The following GRID1 variants were observed in gnomAD, a reference collection of about 807,000 sequenced individuals.
The protein encoded by GRID1 is glutamate ionotropic receptor delta type subunit 1, also known as glutamate receptor ionotropic, delta-1.
Under a neutral mutation model 98.0 loss-of-function variants are expected in GRID1, and 28 were observed. The ratio of observed to expected loss-of-function variants is 0.29; its 90% confidence interval spans 0.21 to 0.39. The LOEUF (loss-of-function observed/expected upper bound fraction) is 0.39. Among genes scored for constraint, GRID1 ranks in the 10% least tolerant of loss-of-function variants. The pLI, the probability that GRID1 is intolerant of heterozygous loss-of-function variation, is 1.00. For synonymous variants in GRID1, 553 were observed against 538.5 expected (o/e 1.03, Z -0.37); for missense variants, 1,111 against 1,340.5 (o/e 0.83, Z 2.67).
intron 4 of GRID1, among the ~76,000 whole-genome samples, chr10:85,984,292 T>C (rs1177005775): frequency 6.6e-6 from 1 of 152,140 alleles, no homozygotes; most frequent in Admixed American, 6.5e-5. Flanking sequence ...GAAAGAGACA[T>C]AACAGTTCTC....
At chr10:86,134,562 T>C (rs1251622580) in intron 4 of GRID1, among the ~76,000 whole-genome samples, 1 of 152,126 alleles carries the variant, frequency 6.6e-6, no homozygotes, top group Non-Finnish European at 1.5e-5. Flanking sequence ...AACACATCAG[T>C]CCTGAAGTCT....
In GRID1 at chr10:86,366,327, G is replaced by A. The variant is rs1848678999; in HGVS notation, c.66C>T (p.Ser22=). 3 of 1,508,618 alleles carry A rather than the reference G, an allele frequency of 2.0e-6. No individual in the cohort carries two copies. The allele number at this position is 1,508,618 out of a possible 1,614,324, so 93.5% of individuals were successfully genotyped here. ...AGCCGCGCTTACCGATGTGGATGAT[G>A]GAGTCGGCCCGCACCGACACGCACT... ...ICQCVSVRAD[S]IIHIGAIFEE... Residue 22 remains serine, a synonymous_variant, in exon 1 of 16, where the codon TCC becomes TCT. Transcript: ENST00000327946. The surrounding 1 kb of genome is among the most constrained non-coding windows in gnomAD (Gnocchi z 4.1).
At chr10:85,741,032 G>A (rs1841937948) in intron 8 of GRID1, among the ~76,000 whole-genome samples, 1 of 152,080 alleles carries the variant, frequency 6.6e-6, no homozygotes, top group East Asian at 1.9e-4. Flanking sequence ...GGGATTACAG[G>A]TGAGCCACTG....
chr10:85,842,913 A>G (rs1281533871), intron 8 of GRID1, among the ~76,000 whole-genome samples: 2 of 152,132 alleles, frequency 1.3e-5, no homozygotes, highest in African/African-American at 2.4e-5. Context: ...CCTGATGCCT[A>G]AAGCAGATAT....
chr10:86,337,534 C>T (rs1367998683), intron 2 of GRID1, among the ~76,000 whole-genome samples: 3 of 152,068 alleles, frequency 2.0e-5, no homozygotes, highest in Non-Finnish European at 4.4e-5. Context: ...TAGGGGTGGC[C>T]TAGACAGCCT....
intron 5 of GRID1, among the ~76,000 whole-genome samples, chr10:85,885,445 G>A (rs543267875): frequency 6.6e-6 from 1 of 152,284 alleles, no homozygotes; most frequent in African/African-American, 2.4e-5. Flanking sequence ...GACTATATTG[G>A]ATTTTCAAAG....
intron 5 of GRID1, among the ~76,000 whole-genome samples, chr10:85,902,391 T>C (rs1841401548): frequency 6.6e-6 from 1 of 152,236 alleles, no homozygotes; most frequent in Admixed American, 6.5e-5. Flanking sequence ...TATTTATTTA[T>C]GGAATTTTCC....
At chr10:85,913,650 G>A (rs752731513) in intron 5 of GRID1, among the ~76,000 whole-genome samples, 1 of 152,134 alleles carries the variant, frequency 6.6e-6, no homozygotes, top group African/African-American at 2.4e-5. Flanking sequence ...TTAGCTGGGT[G>A]AGCTGGCACA....
chr10:86,349,963 T>G (rs1446958130), intron 2 of GRID1, among the ~76,000 whole-genome samples: 1 of 152,038 alleles, frequency 6.6e-6, no homozygotes, highest in Non-Finnish European at 1.5e-5. Flanking sequence ...GAAAAGAACA[T>G]TTTGGTAGAG....
At chr10:85,800,090 T>C (rs1345053632) in intron 8 of GRID1, among the ~76,000 whole-genome samples, 2 of 151,900 alleles carry the variant, frequency 1.3e-5, no homozygotes, top group Non-Finnish European at 2.9e-5. Flanking sequence ...AAAACACATA[T>C]CTAATTCATG....
rs1845710618 is a variant in GRID1 at position 86,185,147 on chromosome 10, C to A, written c.520+21217G>T. Among the ~76,000 whole-genome samples the A allele has an allele frequency of 2.6e-5, 4 of 152,076 alleles. No individual in the cohort carries two copies. The South Asian group carries it at 8.3e-4, about 31-fold the overall frequency. ...ATGTCTCTCCATTTATCTTGATCTT[C>A]TTCAATTTTTCTCAGCAGTGTTTTG... is the stretch of plus-strand genomic sequence containing the variant. On this transcript the variant is annotated intron_variant, in intron 3 of 15. Coordinates refer to ENST00000327946, the MANE Select transcript of GRID1 (RefSeq NM_017551.3).
intron 2 of GRID1, among the ~76,000 whole-genome samples, chr10:86,357,270 C>T (rs1848545652): frequency 6.6e-6 from 1 of 152,228 alleles, no homozygotes; most frequent in African/African-American, 2.4e-5. Context: ...GACACAGACC[C>T]AGCTGCCTTC....
chr10:85,738,996 C>CATACTAAATAAACCATATGGTTTATTTAG (rs1841913833), intron 8 of GRID1, among the ~76,000 whole-genome samples: 1 of 152,046 alleles, frequency 6.6e-6, no homozygotes, highest in African/African-American at 2.4e-5. Context: ...ATTTATTGCA[C>CATACTAAATAAACCATATGGTTTATTTAG]ATACTAAATA....
At chr10:86,035,334 A>G (rs950049773) in intron 4 of GRID1, among the ~76,000 whole-genome samples, 1 of 152,224 alleles carries the variant, frequency 6.6e-6, no homozygotes, top group African/African-American at 2.4e-5. Context: ...TTGACTCAAT[A>G]TCCTGAAGGA....
chr10:85,806,569 T>C (rs1381066582), intron 8 of GRID1, among the ~76,000 whole-genome samples: 1 of 151,896 alleles, frequency 6.6e-6, no homozygotes, highest in African/African-American at 2.4e-5. Flanking sequence ...CAAATTTTCA[T>C]AAAATTGTGA....
intron 4 of GRID1, among the ~76,000 whole-genome samples, chr10:86,005,507 T>A (rs1030949134): frequency 3.3e-5 from 5 of 152,120 alleles, no homozygotes; most frequent in African/African-American, 1.2e-4. Flanking sequence ...CTAGAATATC[T>A]AATAACAAAG....
At chr10:85,874,604 C>T (rs1275137631) in intron 5 of GRID1, among the ~76,000 whole-genome samples, 1 of 152,112 alleles carries the variant, frequency 6.6e-6, no homozygotes, top group Non-Finnish European at 1.5e-5. Flanking sequence ...AAGCCTTTGT[C>T]ACCTGCTACG....
At chr10:86,158,245 G>T (rs1845273148) in intron 3 of GRID1, among the ~76,000 whole-genome samples, 1 of 152,104 alleles carries the variant, frequency 6.6e-6, no homozygotes, top group Non-Finnish European at 1.5e-5. Context: ...ATCAACTAAG[G>T]TGCCTCTCAC....
At position 85,953,823 on chromosome 10, in the gene GRID1, T is replaced by C. The variant is rs141265034; in HGVS notation, c.727-37584A>G. Reference sequence around the variant, plus strand: ...ACACAGAAATATCACACTGTCTGGTTTTAATATTCATCTTCTTCTTCTCTG... The same window carrying C: ...ACACAGAAATATCACACTGTCTGGTCTTAATATTCATCTTCTTCTTCTCTG... On this transcript the variant is annotated intron_variant, in intron 4 of 15. Transcript: ENST00000327946. 4.2e-4 allele frequency among the ~76,000 whole-genome samples: 64 copies of C among 152,286 alleles called. No homozygotes were observed. The East Asian group carries it at 0.011, about 26-fold the overall frequency.
Sources: gnomAD v4.1 joint callset for allele counts (sites outside exome capture counted in the v4.1 genomes callset) on GRCh38, gnomAD v4.1.1 for gene constraint, Gnocchi (gnomAD v3.1) non-coding constraint, MANE v1.5 for transcripts, NCBI Gene and HGNC (gene_info 2026-07-23, HGNC 2026-07-21) for gene names.